IQSEC2: variants seen among roughly 807,000 people sequenced by gnomAD.
IQSEC2 encodes the protein IQ motif and Sec7 domain ArfGEF 2, also known as IQ motif and SEC7 domain-containing protein 2.
A neutral mutation model predicts 74.6 loss-of-function variants in IQSEC2; 6 were observed. The observed-to-expected ratio is 0.08, with a 90% confidence interval of 0.04 to 0.16. The LOEUF (loss-of-function observed/expected upper bound fraction) is 0.16. Among genes scored for constraint, IQSEC2 ranks in the 10% least tolerant of loss-of-function variants. The pLI is 1.00. For missense variants in IQSEC2, 734 were observed against 1,306.2 expected (o/e 0.56, Z 6.75); for synonymous variants, 494 against 544.5 (o/e 0.91, Z 1.29).
At chrX:53,252,551 C>T (rs1244031027) in intron 4 of IQSEC2, among the ~76,000 whole-genome samples, 1 of 111,000 alleles carries the variant, frequency 9.0e-6, no homozygotes, top group Non-Finnish European at 1.9e-5. Context: ...TGGAGAGGCC[C>T]ACAGGGTGAG....
Position 53,236,448 on chromosome X carries a change from G to A in IQSEC2, c.3325C>T (p.Pro1109Ser). Residue 1109 changes from proline to serine, a missense_variant, in exon 13 of 15, where the codon CCT becomes TCT. By Grantham distance (74) the Pro-to-Ser change is moderately conservative. Around this residue, in one of 12 missense-constraint regions of IQSEC2, gnomAD observed 249 missense variants for 467.9 expected, o/e 0.53. Transcript: ENST00000642864. ...KGMMRPNASQ[P>S]GGAKDSVNGT... ...TTCACTGAGTCCTTGGCCCCTCCAGGCTGTGAGGCGTTAGGCCGCATCATA... is the reference window on the plus strand; with the variant it reads ...TTCACTGAGTCCTTGGCCCCTCCAGACTGTGAGGCGTTAGGCCGCATCATA... 8.3e-7 allele frequency: 1 copy of A among 1,202,856 alleles called. No homozygotes were observed. Among genetic ancestry groups the A allele is most frequent in the Non-Finnish European group, 1.1e-6 (1 of 890,709 alleles).
intron 1 of IQSEC2, among the ~76,000 whole-genome samples, chrX:53,318,902 C>T (rs144059763): frequency 0.02 from 2,292 of 112,958 alleles, 47 homozygotes; most frequent in African/African-American, 0.07. Context: ...TCCAGTGTGG[C>T]GCCCCAAGGC....
intron 3 of IQSEC2, 71 bp downstream of exon 3, chrX:53,255,729 A>G (rs1232371689): frequency 8.7e-6 from 10 of 1,155,205 alleles, no homozygotes; most frequent in Non-Finnish European, 1.2e-5. Context: ...CCCAAGAGCC[A>G]CATCCCAAAC....
downstream of IQSEC2, chrX:53,229,094 A>C (rs1449744379): frequency 8.9e-6 from 1 of 112,142 alleles, no homozygotes; most frequent in East Asian, 2.8e-4. Context: ...AACCTTTGCA[A>C]AATAAAAGAG....
At chrX:53,253,763 T>C (rs1287796621) in intron 4 of IQSEC2, among the ~76,000 whole-genome samples, 2 of 111,511 alleles carry the variant, frequency 1.8e-5, no homozygotes, top group African/African-American at 6.5e-5. Flanking sequence ...CCTGGGATCC[T>C]TGAGGACAAG....
Position 53,234,954 on chromosome X carries a change from G to A in IQSEC2, c.3732C>T (p.His1244=), listed in dbSNP as rs932042983. Residue 1244 remains histidine, a synonymous_variant, in exon 15 of 15, where the codon CAC becomes CAT. Coordinates refer to ENST00000642864, the MANE Select transcript of IQSEC2 (RefSeq NM_001111125.3). The part of the protein sequence containing the change: ...SASSTHHHHH[H]HHHGHSHGGL... ...CACCGTGGCTATGGCCATGATGGTG[G>A]TGGTGGTGGTGGTGGTGCGTGGAAG... 9 of 1,166,305 alleles carry A rather than the reference G, an allele frequency of 7.7e-6. No homozygotes were observed. Among genetic ancestry groups the A allele is most frequent in the East Asian group, 6.5e-5 (2 of 30,722 alleles).
In IQSEC2 at chrX:53,233,561, C is replaced by T; in HGVS notation, c.*658G>A. On this transcript the variant is annotated 3_prime_UTR_variant, in exon 15 of 15. Coordinates refer to ENST00000642864, the MANE Select transcript of IQSEC2 (RefSeq NM_001111125.3). ...GTTCCTGAAGCCGAAGAGGTCTGGGCTGGGGCCTACTGGAGAAAGGGCATA... is the reference window on the plus strand; with the variant it reads ...GTTCCTGAAGCCGAAGAGGTCTGGGTTGGGGCCTACTGGAGAAAGGGCATA... 2 of 174,377 alleles carry T rather than the reference C, an allele frequency of 1.1e-5. No homozygotes were observed. The highest frequency in any genetic ancestry group is 2.2e-5 in the Non-Finnish European group (2 of 92,610). The allele number at this position is 174,377 out of a possible 1,213,427, so 14.4% of individuals were successfully genotyped here. A position where few individuals can be genotyped will look rare whatever the true frequency, so the allele number is the denominator to read the frequency against.
downstream of IQSEC2, among the ~76,000 whole-genome samples, chrX:53,228,312 TTCTGCCTGTAAGAG>T (rs1392193047): frequency 2.7e-5 from 3 of 111,949 alleles, no homozygotes; most frequent in Non-Finnish European, 5.6e-5. Context: ...TGCCGTACAA[TTCTGCCTGTAAGAG>T]TCTCAGATGG....
intron 1 of IQSEC2, among the ~76,000 whole-genome samples, chrX:53,299,730 G>T (rs2146459252): frequency 9.0e-6 from 1 of 111,185 alleles, no homozygotes; most frequent in East Asian, 2.8e-4. Context: ...GTCTGGATGG[G>T]GTTGGGGAAG....
intron 4 of IQSEC2, among the ~76,000 whole-genome samples, chrX:53,252,605 G>T (rs1408543081): frequency 9.0e-6 from 1 of 110,755 alleles, no homozygotes; most frequent in African/African-American, 3.3e-5. Flanking sequence ...GAGCTTGAAA[G>T]CAGACTGCCA....
intron 8 of IQSEC2, among the ~76,000 whole-genome samples, 166 bp downstream of exon 8, chrX:53,246,801 ATT>A (rs782236103): frequency 9.0e-6 from 1 of 111,698 alleles, no homozygotes; most frequent in East Asian, 2.8e-4. Flanking sequence ...GCAAATGACG[ATT>A]TGAGTGAATT....
At chrX:53,279,834 AAAGG>A (rs1556870400) in intron 2 of IQSEC2, 2 of 297,839 alleles carry the variant, frequency 6.7e-6, no homozygotes. Flanking sequence ...GGGAGGGAGG[AAAGG>A]AAGGAAGATA....
chrX:53,256,274 T>C (rs1243354300), intron 2 of IQSEC2, among the ~76,000 whole-genome samples: 1 of 95,588 alleles, frequency 1.0e-5, no homozygotes, highest in Admixed American at 1.1e-4. Context: ...CCAGCCCCCC[T>C]GCCTTTACGG....
At chrX:53,298,221 G>A (rs1168986953) in intron 1 of IQSEC2, among the ~76,000 whole-genome samples, 3 of 110,398 alleles carry the variant, frequency 2.7e-5, no homozygotes, top group Non-Finnish European at 3.8e-5. Context: ...CCTAGATTCC[G>A]TGGCTTTTTT....
chrX:53,238,574 C>T (rs1463127511), intron 11 of IQSEC2, among the ~76,000 whole-genome samples: 1 of 108,939 alleles, frequency 9.2e-6, no homozygotes, highest in Non-Finnish European at 1.9e-5. Context: ...GATGGGGTCT[C>T]ACTATGTTGC....
downstream of IQSEC2, among the ~76,000 whole-genome samples, chrX:53,228,198 C>T (rs1416720634): frequency 1.8e-5 from 2 of 111,836 alleles, no homozygotes; most frequent in East Asian, 5.6e-4. Flanking sequence ...ATTGTTATCC[C>T]CATCCTACAG....
intron 12 of IQSEC2, among the ~76,000 whole-genome samples, chrX:53,236,811 C>T (rs970720451): frequency 1.8e-5 from 2 of 111,213 alleles, no homozygotes; most frequent in Non-Finnish European, 3.8e-5. Context: ...TCTCCCCTCC[C>T]ATGCCCTCTT....
chrX:53,315,028 C>A, intron 1 of IQSEC2, among the ~76,000 whole-genome samples: 1 of 111,950 alleles, frequency 8.9e-6, no homozygotes, highest in Middle Eastern at 4.6e-3. Context: ...CAGTTCTGGG[C>A]TCCATCTGCC....
intron 1 of IQSEC2, among the ~76,000 whole-genome samples, chrX:53,309,919 A>G (rs1412831048): frequency 1.3e-4 from 15 of 111,924 alleles, no homozygotes; most frequent in Non-Finnish European, 2.4e-4. Context: ...GAAATATACC[A>G]GTTTTCAGGG....
Sources: gnomAD v4.1 joint callset for allele counts (sites outside exome capture counted in the v4.1 genomes callset) on GRCh38, gnomAD v4.1.1 for gene constraint, gnomAD v4.1.1 regional missense constraint, MANE v1.5 for transcripts, NCBI Gene and HGNC (gene_info 2026-07-23, HGNC 2026-07-21) for gene names.